Variants in CTNNA2 observed in about 807,000 individuals in gnomAD.
The protein encoded by CTNNA2 is catenin alpha-2.
In CTNNA2, 42 loss-of-function variants were observed where a neutral mutation model predicts 101.0. The observed-to-expected ratio is 0.42, with a 90% CI of 0.32 to 0.54. The LOEUF is 0.54. Ranked by LOEUF, CTNNA2 falls within the 20% of genes least tolerant of loss-of-function variation. The pLI, the probability that CTNNA2 is intolerant of heterozygous loss-of-function variation, is 0.14. For missense variants in CTNNA2, 871 were observed against 1,223.1 expected (o/e 0.71, Z 4.29); for synonymous variants, 450 against 456.4 (o/e 0.99, Z 0.18).
intron 9 of CTNNA2, among the ~76,000 whole-genome samples, chr2:80,467,299 A>T (rs773820402): frequency 7.2e-5 from 11 of 152,210 alleles, no homozygotes; most frequent in Non-Finnish European, 1.2e-4. Flanking sequence ...AAAAGAATAT[A>T]TGCAGAAACT....
At chr2:80,435,747 A>T (rs534888786) in intron 9 of CTNNA2, among the ~76,000 whole-genome samples, 23 of 152,358 alleles carry the variant, frequency 1.5e-4, no homozygotes, top group African/African-American at 5.5e-4. Context: ...TTCATACTCC[A>T]TAAGCGCTTA....
chr2:80,614,746 C>T (rs1303399794), intron 17 of CTNNA2, among the ~76,000 whole-genome samples: 2 of 151,092 alleles, frequency 1.3e-5, no homozygotes, highest in Non-Finnish European at 3.0e-5. Context: ...TAAAAGCTAC[C>T]CTCTCCCCAG....
intron 9 of CTNNA2, among the ~76,000 whole-genome samples, chr2:80,539,003 G>A (rs761007708): frequency 6.6e-5 from 10 of 152,208 alleles, no homozygotes; most frequent in Admixed American, 1.3e-4. Flanking sequence ...GGGTCACAAT[G>A]TATTTTTATG....
At chr2:80,407,186 A>T (rs760823287) in intron 8 of CTNNA2, among the ~76,000 whole-genome samples, 7 of 151,822 alleles carry the variant, frequency 4.6e-5, no homozygotes, top group Non-Finnish European at 1.0e-4. Context: ...GAGGCAGGGA[A>T]ATAACAAAAG....
chr2:79,348,967 G>A (rs1677323374), intron 3 of CTNNA2, among the ~76,000 whole-genome samples: 1 of 152,156 alleles, frequency 6.6e-6, no homozygotes, highest in South Asian at 2.1e-4. Context: ...AGAACAAATT[G>A]CAATCGGCAG....
chr2:80,416,844 C>G (rs1184937664), intron 8 of CTNNA2, among the ~76,000 whole-genome samples: 3 of 151,796 alleles, frequency 2.0e-5, no homozygotes, highest in Non-Finnish European at 4.4e-5. Context: ...ATGTCTTATA[C>G]CCTTGAAAGT....
chr2:80,451,123 G>C (rs2149456406), intron 9 of CTNNA2, among the ~76,000 whole-genome samples: 1 of 152,174 alleles, frequency 6.6e-6, no homozygotes, highest in East Asian at 1.9e-4. Flanking sequence ...GTGTGTAGGT[G>C]ATTAAGAGTC....
chr2:79,280,701 G>GAGAGAGAGAGAGAGAC (rs142826852), intron 2 of CTNNA2, among the ~76,000 whole-genome samples: 12 of 147,374 alleles, frequency 8.1e-5, no homozygotes, highest in South Asian at 2.2e-4. Flanking sequence ...GAGAGAGAGA[G>GAGAGAGAGAGAGAGAC]ACCTATAGCT....
At chr2:79,204,148 T>C (rs531948588) in intron 2 of CTNNA2, among the ~76,000 whole-genome samples, 1 of 152,358 alleles carries the variant, frequency 6.6e-6, no homozygotes, top group African/African-American at 2.4e-5. Flanking sequence ...TAGTTCAATA[T>C]TGTACTTTCC....
chr2:79,520,484 A>G (rs1008241874), intron 1 of CTNNA2, among the ~76,000 whole-genome samples: 2 of 152,218 alleles, frequency 1.3e-5, no homozygotes, highest in Non-Finnish European at 2.9e-5. Flanking sequence ...ACTAATCATA[A>G]AATTTAAAAG....
intron 6 of CTNNA2, among the ~76,000 whole-genome samples, chr2:79,896,879 C>CGGTTACACATGAAGCATA (rs1558621969): frequency 6.6e-6 from 1 of 152,124 alleles, no homozygotes; most frequent in Non-Finnish European, 1.5e-5. Context: ...ATTAATAACA[C>CGGTTACACATGAAGCATA]GGTTACACAT....
chr2:79,886,553 C>T (rs142050687), intron 6 of CTNNA2, among the ~76,000 whole-genome samples: 4,642 of 151,508 alleles, frequency 0.031, 112 homozygotes, highest in Non-Finnish European at 0.044. Flanking sequence ...AGATCAAGAC[C>T]ATCCTGGCTA....
chr2:80,609,902 A>C (rs964603905), intron 17 of CTNNA2, among the ~76,000 whole-genome samples: 1 of 151,392 alleles, frequency 6.6e-6, no homozygotes, highest in Non-Finnish European at 1.5e-5. Flanking sequence ...CTTCATTTCC[A>C]TTGTCTTTTT....
chr2:79,505,842 T>G (rs1558685053), intron 5 of CTNNA2, among the ~76,000 whole-genome samples: 1 of 152,232 alleles, frequency 6.6e-6, no homozygotes, highest in Non-Finnish European at 1.5e-5. Flanking sequence ...CATTAAAGTA[T>G]GAGACTGTTA....
At chr2:80,161,847 A>G (rs907961588) in intron 7 of CTNNA2, among the ~76,000 whole-genome samples, 12 of 152,232 alleles carry the variant, frequency 7.9e-5, no homozygotes, top group Admixed American at 7.2e-4. Context: ...GGTTTCATGA[A>G]CAATGTCTAA....
intron 1 of CTNNA2, among the ~76,000 whole-genome samples, chr2:79,636,206 C>T (rs1680038096): frequency 7.4e-6 from 1 of 134,248 alleles, no homozygotes; most frequent in African/African-American, 2.7e-5. Flanking sequence ...GGAGATGGAG[C>T]TTGCAGTGAG....
At chr2:79,667,741 G>A (rs1289840040) in intron 2 of CTNNA2, among the ~76,000 whole-genome samples, 1 of 152,164 alleles carries the variant, frequency 6.6e-6, no homozygotes, top group East Asian at 1.9e-4. Context: ...TCATGTAGAA[G>A]CATAATCAAT....
intron 3 of CTNNA2, among the ~76,000 whole-genome samples, chr2:79,351,828 A>G (rs575564381): frequency 6.6e-6 from 1 of 152,226 alleles, no homozygotes; most frequent in Non-Finnish European, 1.5e-5. Flanking sequence ...TCTTTATCCG[A>G]TCCACCATTG....
chr2:79,967,296 A>T (rs1690143516), intron 7 of CTNNA2, among the ~76,000 whole-genome samples: 1 of 152,096 alleles, frequency 6.6e-6, no homozygotes, highest in African/African-American at 2.4e-5. Flanking sequence ...ACCGCTGATC[A>T]TCCAGGCGTC....
Sources: allele counts gnomAD v4.1 joint callset (sites outside exome capture counted in the v4.1 genomes callset), GRCh38; gene constraint gnomAD v4.1.1; transcripts MANE v1.5; gene names NCBI Gene and HGNC (gene_info 2026-07-23, HGNC 2026-07-21).